The following CDH8 variants were observed in gnomAD, a reference collection of about 807,000 sequenced individuals.
CDH8 encodes cadherin-8.
In CDH8, 17 loss-of-function variants were observed where a neutral mutation model predicts 68.1. The observed-to-expected ratio is 0.25, with a 90% CI of 0.17 to 0.37. The LOEUF is 0.37. Among genes scored for constraint, CDH8 ranks in the 10% least tolerant of loss-of-function variants. The pLI is 1.00. For missense variants in CDH8, 763 were observed against 999.3 expected (o/e 0.76, Z 3.19); for synonymous variants, 372 against 365.1 (o/e 1.02, Z -0.21).
chr16:61,964,592 T>C (rs537708999), intron 2 of CDH8, among the ~76,000 whole-genome samples: 1 of 152,164 alleles, frequency 6.6e-6, no homozygotes, highest in Admixed American at 6.5e-5. Flanking sequence ...TTCCGGGACC[T>C]GCTGTACTTG....
At chr16:61,807,116 T>C (rs1961802942) in intron 7 of CDH8, among the ~76,000 whole-genome samples, 1 of 146,816 alleles carries the variant, frequency 6.8e-6, no homozygotes, top group Non-Finnish European at 1.5e-5. Context: ...ATGTGGCACA[T>C]ATACACCATG....
chr16:61,834,318 C>T (rs2143005508), intron 4 of CDH8, among the ~76,000 whole-genome samples: 1 of 151,888 alleles, frequency 6.6e-6, no homozygotes, highest in South Asian at 2.1e-4. Flanking sequence ...TCAAGTCTTA[C>T]TGCTTCAAGG....
At chr16:61,728,643 A>T (rs1157284438) in intron 8 of CDH8, among the ~76,000 whole-genome samples, 1 of 151,234 alleles carries the variant, frequency 6.6e-6, no homozygotes, top group Non-Finnish European at 1.5e-5. Context: ...CTCATATTTT[A>T]TCCTTTATCT....
chr16:61,893,383 C>T (rs1431876758), intron 3 of CDH8, among the ~76,000 whole-genome samples: 3 of 151,518 alleles, frequency 2.0e-5, no homozygotes, highest in Non-Finnish European at 2.9e-5. Flanking sequence ...GAACGCTATC[C>T]AACCCAGTAC....
At chr16:61,761,768 C>T (rs1275689103) in intron 8 of CDH8, among the ~76,000 whole-genome samples, 5 of 151,960 alleles carry the variant, frequency 3.3e-5, no homozygotes, top group African/African-American at 7.2e-5. Context: ...TTTGGGAGGC[C>T]GAGGTGGGTG....
intron 2 of CDH8, among the ~76,000 whole-genome samples, chr16:61,972,287 A>C (rs1965352114): frequency 6.6e-6 from 1 of 152,144 alleles, no homozygotes; most frequent in Non-Finnish European, 1.5e-5. Flanking sequence ...TCTCTCCTTT[A>C]TAAATTATCC....
intron 4 of CDH8, among the ~76,000 whole-genome samples, chr16:61,846,383 T>G (rs950875613): frequency 5.3e-5 from 8 of 152,156 alleles, no homozygotes; most frequent in Non-Finnish European, 1.0e-4. Flanking sequence ...AAGTCAAATC[T>G]ATTTCTACCC....
intron 4 of CDH8, among the ~76,000 whole-genome samples, chr16:61,849,311 T>C (rs1962890616): frequency 6.6e-6 from 1 of 151,214 alleles, no homozygotes; most frequent in African/African-American, 2.5e-5. Context: ...TGCCCATTAC[T>C]GCATTAAAAG....
rs532767259 is a variant in CDH8, at chr16:61,648,091, C to T, written c.*5517G>A. 3 of 464,696 alleles carry T rather than the reference C, an allele frequency of 6.5e-6. No individual in the cohort carries two copies. Among genetic ancestry groups the T allele is most frequent in the Non-Finnish European group, 1.2e-5 (3 of 260,762 alleles). 28.8% of individuals were successfully genotyped at this position (464,696 alleles called of 1,614,324 possible). On this transcript the variant is annotated 3_prime_UTR_variant, in exon 12 of 12. Transcript: ENST00000577390. ...CACACATAAAGGAAGGAGGAGAATA[C>T]ATACAAAAACACTTACAACATTACA...
chr16:62,025,194 C>A (rs889224948), intron 1 of CDH8, among the ~76,000 whole-genome samples: 1 of 152,044 alleles, frequency 6.6e-6, no homozygotes, highest in Non-Finnish European at 1.5e-5. Flanking sequence ...ACAAACAAGA[C>A]CACCAATTAA....
chr16:61,763,880 G>T (rs1960525952), intron 8 of CDH8, among the ~76,000 whole-genome samples: 1 of 152,080 alleles, frequency 6.6e-6, no homozygotes, highest in African/African-American at 2.4e-5. Context: ...ATACCTGTAA[G>T]AGCAAAATAA....
At chr16:62,001,329 G>A (rs1435703806) in intron 2 of CDH8, among the ~76,000 whole-genome samples, 2 of 152,254 alleles carry the variant, frequency 1.3e-5, no homozygotes, top group East Asian at 3.9e-4. Flanking sequence ...TTTCTGGGTT[G>A]GGGTGAAGAG....
intron 10 of CDH8, among the ~76,000 whole-genome samples, chr16:61,658,331 A>G (rs1304411718): frequency 6.6e-6 from 1 of 151,928 alleles, no homozygotes; most frequent in African/African-American, 2.4e-5. Context: ...TTTCATTTAA[A>G]TTTTTGAATT....
Position 61,653,794 on chromosome 16 carries a change from G to T in CDH8, c.2214C>A (p.Ala738=), listed in dbSNP as rs542676364. Residue 738 remains alanine, a synonymous_variant, in exon 12 of 12, where the codon GCC becomes GCA. Transcript: ENST00000577390. ...RLHEADNDPT[A]PPYDSIQIYG... ...ATATCTGAATGGAGTCATATGGCGG[G>T]GCCGTGGGATCATTATCTGCCTCAT... 4 of 1,614,182 alleles carry T rather than the reference G, an allele frequency of 2.5e-6. No individual in the cohort carries two copies. The South Asian group carries it at 4.4e-5, about 18-fold the overall frequency.
At chr16:61,936,815 T>A (rs1293794272) in intron 2 of CDH8, among the ~76,000 whole-genome samples, 1 of 152,180 alleles carries the variant, frequency 6.6e-6, no homozygotes. Flanking sequence ...TAAAAAATAA[T>A]TTTGGAACAC....
intron 8 of CDH8, among the ~76,000 whole-genome samples, chr16:61,746,247 C>A (rs1165956101): frequency 2.0e-5 from 3 of 152,010 alleles, no homozygotes; most frequent in Non-Finnish European, 4.4e-5. Context: ...TTTCTAGATA[C>A]CTCGGTAACC....
chr16:61,711,356 C>T (rs1964627105), intron 10 of CDH8, among the ~76,000 whole-genome samples: 1 of 151,856 alleles, frequency 6.6e-6, no homozygotes, highest in African/African-American at 2.4e-5. Context: ...AAATAGGAGA[C>T]AAACTTATTC....
At chr16:61,675,135 C>T (rs1963876896) in intron 10 of CDH8, among the ~76,000 whole-genome samples, 1 of 151,690 alleles carries the variant, frequency 6.6e-6, no homozygotes, top group Non-Finnish European at 1.5e-5. Context: ...CAAATTATTC[C>T]AGCTAGAAAC....
chr16:61,916,945 G>T (rs891922985), intron 2 of CDH8, among the ~76,000 whole-genome samples: 2 of 152,136 alleles, frequency 1.3e-5, no homozygotes, highest in African/African-American at 2.4e-5. Flanking sequence ...TGACATTAAA[G>T]AAATAAATTG....
Sources: gnomAD v4.1 joint callset for allele counts (sites outside exome capture counted in the v4.1 genomes callset) on GRCh38, gnomAD v4.1.1 for gene constraint, MANE v1.5 for transcripts, NCBI Gene and HGNC (gene_info 2026-07-23, HGNC 2026-07-21) for gene names.